PAK1: variants seen among roughly 807,000 people sequenced by gnomAD.
PAK1 encodes p21 (RAC1) activated kinase 1, also known as serine/threonine-protein kinase PAK 1.
Under a neutral mutation model 67.4 loss-of-function variants are expected in PAK1, and 29 were observed. The observed-to-expected ratio is 0.43, with a 90% CI of 0.32 to 0.59. The LOEUF is 0.59. PAK1 is among the 20% of genes least tolerant of loss of function. The pLI is 0.07. For missense variants in PAK1, 337 were observed against 670.7 expected, an observed-to-expected ratio of 0.50 and a Z score of 5.50; for synonymous variants, 223 against 237.4, an observed-to-expected ratio of 0.94 and a Z score of 0.56.
the PAK1 span, among the ~76,000 whole-genome samples, chr11:77,497,344 C>G: frequency 6.6e-6 from 1 of 152,116 alleles, no homozygotes; most frequent in African/African-American, 2.4e-5. Flanking sequence ...CTGTATAGCC[C>G]CTAACAATTT....
At chr11:77,372,608 CT>C (rs1948589259) in intron 5 of PAK1, among the ~76,000 whole-genome samples, 1 of 152,164 alleles carries the variant, frequency 6.6e-6, no homozygotes, top group Admixed American at 6.5e-5. Context: ...CACTCTTCTG[CT>C]TAAGTTCTTT....
At chr11:77,460,321 TG>T (rs1189604584) in intron 1 of PAK1, among the ~76,000 whole-genome samples, 3 of 122,652 alleles carry the variant, frequency 2.4e-5, no homozygotes, top group African/African-American at 6.0e-5. Context: ...GTTTTTTGTT[TG>T]CTTTTTTTTT....
chr11:77,460,123 T>G (rs1592557058), intron 1 of PAK1, among the ~76,000 whole-genome samples: 1 of 139,544 alleles, frequency 7.2e-6, no homozygotes, highest in African/African-American at 2.7e-5. Context: ...GTGAAGGCCC[T>G]GAGGAGAGAC....
At chr11:77,332,195 C>A (rs565444826) in intron 14 of PAK1, among the ~76,000 whole-genome samples, 2 of 147,806 alleles carry the variant, frequency 1.4e-5, no homozygotes, top group African/African-American at 5.0e-5. Flanking sequence ...GTAGTCTGAG[C>A]TACCTGGGAG....
At chr11:77,361,565 A>AT (rs5792765) in intron 5 of PAK1, among the ~76,000 whole-genome samples, 9,547 of 152,046 alleles carry the variant, frequency 0.063, 673 homozygotes, top group East Asian at 0.25. Flanking sequence ...TAATCTATAC[A>AT]TTTTTTTTCT....
intron 1 of PAK1, among the ~76,000 whole-genome samples, chr11:77,466,417 C>T (rs774182476): frequency 5.3e-5 from 8 of 152,118 alleles, no homozygotes; most frequent in Admixed American, 2.0e-4. Flanking sequence ...TCCTGGCTAA[C>T]ACGGTGAAAC....
At chr11:77,339,490 C>T (rs1462533725) in intron 11 of PAK1, among the ~76,000 whole-genome samples, 1 of 148,882 alleles carries the variant, frequency 6.7e-6, no homozygotes, top group Non-Finnish European at 1.5e-5. Context: ...AGTAGTGGAA[C>T]AAAAAAAAAA....
intron 1 of PAK1, among the ~76,000 whole-genome samples, chr11:77,427,922 T>C (rs1415100783): frequency 6.6e-6 from 1 of 152,030 alleles, no homozygotes; most frequent in Admixed American, 6.6e-5. Flanking sequence ...GTGAAGAGAG[T>C]TGGCTAAGCC....
intron 1 of PAK1, among the ~76,000 whole-genome samples, chr11:77,435,118 C>CAAAA (rs11452381): frequency 0.25 from 32,109 of 128,090 alleles, 4,496 homozygotes; most frequent in South Asian, 0.45. Context: ...TGTGAATATA[C>CAAAA]AAAAAAAAAA....
chr11:77,335,829 C>T (rs1942600774), intron 13 of PAK1, among the ~76,000 whole-genome samples: 1 of 152,196 alleles, frequency 6.6e-6, no homozygotes, highest in Non-Finnish European at 1.5e-5. Context: ...CCATCTGTTA[C>T]TACATATTAA....
intron 1 of PAK1, among the ~76,000 whole-genome samples, chr11:77,404,309 C>A (rs1216697037): frequency 6.6e-6 from 1 of 151,844 alleles, no homozygotes; most frequent in African/African-American, 2.4e-5. Flanking sequence ...ACCCTGTCGC[C>A]CAGGCTGGAG....
At chr11:77,426,610 G>T (rs143312546) in intron 1 of PAK1, among the ~76,000 whole-genome samples, 193 of 152,200 alleles carry the variant, frequency 1.3e-3, no homozygotes, top group African/African-American at 4.3e-3. Flanking sequence ...TTCCTCTTCA[G>T]TTTCAATTAG....
chr11:77,323,596 C>T (rs1016191482), intron 14 of PAK1, among the ~76,000 whole-genome samples: 1 of 152,068 alleles, frequency 6.6e-6, no homozygotes, highest in African/African-American at 2.4e-5. Context: ...GGTATATTCC[C>T]AAGAGAAATT....
At chr11:77,515,087 T>C in the PAK1 span, 1 of 152,236 alleles carries the variant, frequency 6.6e-6, no homozygotes, top group African/African-American at 2.4e-5. Context: ...TAGAGAAAAG[T>C]CTTTCCAAAA....
At chr11:77,497,660 C>T in the PAK1 span, among the ~76,000 whole-genome samples, 1 of 152,294 alleles carries the variant, frequency 6.6e-6, no homozygotes, top group South Asian at 2.1e-4. Flanking sequence ...AGAATTCCAT[C>T]CAACTCAGCA....
In PAK1 at chr11:77,355,728, T is replaced by G. The variant is rs1207365793; in HGVS notation, c.712A>C (p.Asn238His). Residue 238 changes from asparagine to histidine, a missense_variant, in exon 7 of 15, where the codon AAT becomes CAT. By Grantham distance (68) the Asn-to-His change is moderately conservative. Transcript: ENST00000356341. Reference sequence around the variant, plus strand: ...GGCTTCTTCTTCTGCTTCTCAGTATTCCGGGTCAAAGCATCTGGTGGAGTG... The same window carrying G: ...GGCTTCTTCTTCTGCTTCTCAGTATGCCGGGTCAAAGCATCTGGTGGAGTG... ...NTTPPDALTR[N>H]TEKQKKKPKM... 1.9e-6 allele frequency: 3 copies of G among 1,613,574 alleles called. No homozygotes were observed. Among genetic ancestry groups the G allele is most frequent in the Middle Eastern group, 1.7e-4 (1 of 6,050 alleles).
the PAK1 span, among the ~76,000 whole-genome samples, chr11:77,491,456 G>C: frequency 6.6e-6 from 1 of 152,062 alleles, no homozygotes; most frequent in African/African-American, 2.4e-5. Flanking sequence ...TTAAGCCTGG[G>C]AGGTCAAGGC....
At chr11:77,435,433 G>A (rs2602476) in intron 1 of PAK1, among the ~76,000 whole-genome samples, 36,697 of 151,708 alleles carry the variant, frequency 0.24, 5,055 homozygotes, top group Non-Finnish European at 0.31. Context: ...GGAAGATTAT[G>A]TAAGAAAACA....
intron 13 of PAK1, 46 bp downstream of exon 13, chr11:77,336,040 A>C: frequency 1.5e-5 from 19 of 1,263,758 alleles, no homozygotes; most frequent in Non-Finnish European, 1.6e-5. Context: ...TCCTGGGACT[A>C]GAGACAACAG....
Sources: gnomAD v4.1 joint callset for allele counts (sites outside exome capture counted in the v4.1 genomes callset) on GRCh38, gnomAD v4.1.1 for gene constraint, MANE v1.5 for transcripts, NCBI Gene and HGNC (gene_info 2026-07-23, HGNC 2026-07-21) for gene names.